Variants in GRIN2D observed in about 807,000 individuals in gnomAD.
The protein encoded by GRIN2D is glutamate ionotropic receptor NMDA type subunit 2D.
In GRIN2D, 37 loss-of-function variants were observed where a neutral mutation model predicts 103.2. That is an observed-to-expected ratio of 0.36 (90% CI 0.28 to 0.47). The LOEUF (loss-of-function observed/expected upper bound fraction) is 0.47. Among genes scored for constraint, GRIN2D ranks in the 20% least tolerant of loss-of-function variants. GRIN2D has a pLI of 1.00. For missense variants in GRIN2D, 1,557 were observed against 1,910.6 expected (o/e 0.81, Z 3.45); for synonymous variants, 845 against 885.6 (o/e 0.95, Z 0.81).
At position 48,443,202 on chromosome 19, in the gene GRIN2D, T is replaced by C; in HGVS notation, c.3276T>C (p.Ala1092=). Reference sequence around the variant, plus strand: ...GCGCAGGCGGAGGAGCCCCGGCCGCTCCGCCCCCGTGCCGCGCCGCGCCGC... The same window carrying C: ...GCGCAGGCGGAGGAGCCCCGGCCGCCCCGCCCCCGTGCCGCGCCGCGCCGC... ...TGGAGGGAPA[A]PPPCRAAPPP... The change falls in exon 14 of 14, where the codon GCT becomes GCC. Residue 1092 remains alanine, a synonymous_variant. Transcript: ENST00000263269. The surrounding 1 kb of genome is among the most constrained non-coding windows in gnomAD (Gnocchi z 8.9). The C allele has an allele frequency of 1.7e-6, 2 of 1,209,612 alleles. No homozygotes were observed. Among genetic ancestry groups the C allele is most frequent in the Non-Finnish European group, 2.1e-6 (2 of 962,426 alleles). 74.9% of individuals were successfully genotyped at this position (1,209,612 alleles called of 1,614,324 possible).
chr19:48,435,401 T>C (rs1253146512), intron 11 of GRIN2D, among the ~76,000 whole-genome samples: 1 of 146,828 alleles, frequency 6.8e-6, no homozygotes, highest in East Asian at 2.1e-4. Context: ...ACAATTCTCC[T>C]GCCTCAGCCT....
chr19:48,437,083 C>G (rs1391454512), intron 11 of GRIN2D, among the ~76,000 whole-genome samples: 1 of 152,130 alleles, frequency 6.6e-6, no homozygotes, highest in Non-Finnish European at 1.5e-5. Flanking sequence ...AACCTACACC[C>G]AAACAAAGGC....
chr19:48,405,274 C>G lies in GRIN2D; in HGVS notation c.1006C>G (p.Arg336Gly). ...VVARGAQALL[R>G]DYGFLPELGH... ...GGCCAGAGGTGCCCAGGCCCTGCTG[C>G]GTGATTATGGTTTCCTTCCTGAGCT... Residue 336 changes from arginine (R) to glycine (G), a missense_variant, in exon 4 of 14, where the codon CGT becomes GGT. By Grantham distance (125) the Arg-to-Gly change is moderately radical. This residue lies in a region of GRIN2D where 490 missense variants were observed against 601.1 expected (regional missense o/e 0.82). Coordinates refer to ENST00000263269, the MANE Select transcript of GRIN2D (RefSeq NM_000836.4). This position sits in a 1 kb window ranked among gnomAD's most constrained non-coding sequence, Gnocchi z 5.1. 6.2e-7 allele frequency: 1 copy of G among 1,600,552 alleles called. No individual in the cohort carries two copies. Among genetic ancestry groups the G allele is most frequent in the Non-Finnish European group, 8.5e-7 (1 of 1,177,994 alleles).
At chr19:48,412,058 G>A (rs933857180) in intron 4 of GRIN2D, among the ~76,000 whole-genome samples, 1 of 151,930 alleles carries the variant, frequency 6.6e-6, no homozygotes, top group African/African-American at 2.4e-5. Flanking sequence ...TGGGCGTGGT[G>A]GCTCATGCCT....
chr19:48,401,760 A>G (rs1367348086), intron 3 of GRIN2D, among the ~76,000 whole-genome samples: 1 of 152,228 alleles, frequency 6.6e-6, no homozygotes, highest in East Asian at 1.9e-4. Context: ...TTTTGAAACA[A>G]TCACTCTGGC....
chr19:48,396,904 C>A (rs1970650357), intron 2 of GRIN2D, among the ~76,000 whole-genome samples: 1 of 152,106 alleles, frequency 6.6e-6, no homozygotes, highest in Non-Finnish European at 1.5e-5. Context: ...AGTGCGGACT[C>A]CAGTCCTTCT....
chr19:48,405,439 GC>G lies in GRIN2D; in HGVS notation c.1085+88del. On this transcript the variant is annotated intron_variant, in intron 4 of 13. Coordinates refer to ENST00000263269, the MANE Select transcript of GRIN2D (RefSeq NM_000836.4). The surrounding 1 kb of genome is among the most constrained non-coding windows in gnomAD (Gnocchi z 5.1). ...TTCACTGAATGAGTGGCTCAAATGG[GC>G]CACATCTGCTCTTTGAGCCTCAGTT... 7.7e-7 allele frequency: 1 copy of G among 1,293,028 alleles called. No homozygotes were observed. The highest frequency in any genetic ancestry group is 1.0e-6 in the Non-Finnish European group (1 of 971,264). 80.1% of individuals were successfully genotyped at this position (1,293,028 alleles called of 1,614,324 possible).
intron 4 of GRIN2D, among the ~76,000 whole-genome samples, chr19:48,409,685 C>T (rs1162689001): frequency 6.6e-6 from 1 of 152,072 alleles, no homozygotes; most frequent in African/African-American, 2.4e-5. Flanking sequence ...ACATAGTGGG[C>T]AAGGGGAAGG....
rs951326936 is a variant in GRIN2D, at chr19:48,414,096, G to A, written c.1191G>A (p.Thr397=). 7.6e-6 allele frequency: 12 copies of A among 1,584,424 alleles called. No individual in the cohort carries two copies. Among genetic ancestry groups the A allele is most frequent in the African/African-American group, 1.3e-5 (1 of 74,282 alleles). The part of the protein sequence containing the change: ...LVVISLTRDR[T]WEVVGSWEQQ... Reference sequence around the variant, plus strand: ...TCATCTCCCTCACCAGAGACAGGACGTGGGAGGTGGTGAGTCGTAGCCCCA... The same window carrying A: ...TCATCTCCCTCACCAGAGACAGGACATGGGAGGTGGTGAGTCGTAGCCCCA... The change falls in exon 5 of 14, where the codon ACG becomes ACA. Residue 397 remains threonine (T), a synonymous_variant. Transcript: ENST00000263269. The surrounding 1 kb of genome is among the most constrained non-coding windows in gnomAD (Gnocchi z 4.6).
At chr19:48,420,511 G>A (rs1971009152) in intron 10 of GRIN2D, among the ~76,000 whole-genome samples, 2 of 151,716 alleles carry the variant, frequency 1.3e-5, no homozygotes, top group African/African-American at 4.8e-5. Context: ...AGTAAAATAA[G>A]ATCTAAAACC....
intron 11 of GRIN2D, among the ~76,000 whole-genome samples, chr19:48,431,259 CTCTT>C (rs1167825249): frequency 2.0e-5 from 3 of 152,236 alleles, no homozygotes; most frequent in Non-Finnish European, 4.4e-5. Flanking sequence ...CAAATTCTAA[CTCTT>C]TCTGGGTTTT....
In GRIN2D at chr19:48,393,740, G is replaced by A. The variant is rs972691204; in HGVS notation, c.-434G>A. ...CCTCCCGCTCCAGCTCCTCCAAGCC[G>A]CGGCCGCCGCCGCCACCCTCGCCCG... On this transcript the variant is annotated 5_prime_UTR_variant, in exon 1 of 14. Transcript: ENST00000263269. This position sits in a 1 kb window ranked among gnomAD's most constrained non-coding sequence, Gnocchi z 5.6. Among the ~76,000 whole-genome samples, 1 of 151,920 alleles carries A rather than the reference G, an allele frequency of 6.6e-6. No homozygotes were observed. The highest frequency in any genetic ancestry group is 1.5e-5 in the Non-Finnish European group (1 of 67,966).
chr19:48,404,223 A>G (rs952696384), intron 3 of GRIN2D, among the ~76,000 whole-genome samples: 4 of 147,464 alleles, frequency 2.7e-5, no homozygotes, highest in Admixed American at 2.7e-4. Flanking sequence ...CTGGGCAACA[A>G]GAGTGAAATT....
intron 11 of GRIN2D, among the ~76,000 whole-genome samples, chr19:48,426,760 T>G (rs1271011387): frequency 2.0e-5 from 3 of 151,732 alleles, no homozygotes; most frequent in Non-Finnish European, 2.9e-5. Context: ...AATTTTTGTA[T>G]TTTTAGTAAA....
intron 2 of GRIN2D, among the ~76,000 whole-genome samples, chr19:48,395,296 G>A (rs939499340): frequency 6.8e-6 from 1 of 147,502 alleles, no homozygotes; most frequent in Non-Finnish European, 1.5e-5. Context: ...ATCGCGAGCC[G>A]GTCCTCTCCC....
In GRIN2D at chr19:48,398,789, C is replaced by T; in HGVS notation, c.397C>T (p.Leu133=). 6.9e-7 allele frequency: 1 copy of T among 1,459,602 alleles called. No individual in the cohort carries two copies. The highest frequency in any genetic ancestry group is 9.0e-7 in the Non-Finnish European group (1 of 1,111,030). The allele number at this position is 1,459,602 out of a possible 1,614,324, so 90.4% of individuals were successfully genotyped here. A position where few individuals can be genotyped will look rare whatever the true frequency, so the allele number is the denominator to read the frequency against. Residue 133 remains leucine, a synonymous_variant, in exon 3 of 14, where the codon CTG becomes TTG. Coordinates refer to ENST00000263269, the MANE Select transcript of GRIN2D (RefSeq NM_000836.4). ...CGCCGTCGCGCCCATCCTCGACTTC[C>T]TGTCGGCGCAGACCTCGCTGCCCAT... The part of the protein sequence containing the change: ...APAVAPILDF[L]SAQTSLPIVA...
intron 3 of GRIN2D, among the ~76,000 whole-genome samples, chr19:48,404,302 G>C (rs1314282830): frequency 6.6e-6 from 1 of 151,342 alleles, no homozygotes. Context: ...CCTCCGTATG[G>C]TGACTCGGGG....
In GRIN2D at chr19:48,406,579, C is replaced by A. The variant is rs139688125; in HGVS notation, c.1085+1226C>A. On this transcript the variant is annotated intron_variant, in intron 4 of 13. Transcript: ENST00000263269. ...CGAAAAAGAGGATGAGAAAAGCATC[C>A]CTTCTTCATAAATACTTACTGAGCA... 4.5e-3 allele frequency among the ~76,000 whole-genome samples: 687 copies of A among 152,204 alleles called. 7 individuals carry two copies. The highest frequency in any genetic ancestry group is 0.015 in the African/African-American group (611 of 41,506).
intron 3 of GRIN2D, 152 bp downstream of exon 3, chr19:48,399,009 C>A (rs1418172093): frequency 5.5e-6 from 4 of 733,074 alleles, no homozygotes; most frequent in Non-Finnish European, 7.8e-6. Flanking sequence ...AGATGGTAGG[C>A]AGGGCTTAGG....
Sources: allele counts gnomAD v4.1 joint callset (sites outside exome capture counted in the v4.1 genomes callset), GRCh38; gene constraint gnomAD v4.1.1; regional missense constraint gnomAD v4.1.1; non-coding constraint Gnocchi (gnomAD v3.1); transcripts MANE v1.5; gene names NCBI Gene and HGNC (gene_info 2026-07-23, HGNC 2026-07-21).